Variants in HPS5 observed in about 807,000 individuals in gnomAD.
HPS5 encodes the protein HPS5 biogenesis of lysosomal organelles complex 2 subunit 2.
A neutral mutation model predicts 128.0 loss-of-function variants in HPS5; 83 were observed. The observed-to-expected ratio is 0.65, with a 90% confidence interval of 0.54 to 0.78. The LOEUF is 0.78. HPS5 is among the 30% of genes least tolerant of loss of function. The pLI, the probability that HPS5 is intolerant of heterozygous loss-of-function variation, is 0.00. For synonymous variants in HPS5, 475 were observed against 470.2 expected (o/e 1.01, Z -0.13); for missense variants, 1,281 against 1,326.2 (o/e 0.97, Z 0.53).
At chr11:18,303,010 T>C (rs549310402) in intron 8 of HPS5, among the ~76,000 whole-genome samples, 5 of 152,220 alleles carry the variant, frequency 3.3e-5, no homozygotes, top group Middle Eastern at 3.4e-3. Flanking sequence ...CCTTATCCCT[T>C]CACTGATAAT....
At chr11:18,300,388 AAAAGAAACGT>A (rs1392461108) in intron 9 of HPS5, among the ~76,000 whole-genome samples, 1 of 152,190 alleles carries the variant, frequency 6.6e-6, no homozygotes. Flanking sequence ...GTCAATCTTT[AAAAGAAACGT>A]AACTGGGCAC....
rs559655838 is a variant in HPS5, at chr11:18,315,786, G to A, written c.108+1965C>T. On this transcript the variant is annotated intron_variant, in intron 2 of 22. Transcript: ENST00000349215. The stretch of plus-strand genomic sequence containing the variant: ...CTTTTCATTTATTCTTCTGAAGGTA[G>A]CTCCAAGAGTTTATCTGGGGGATTT... Among the ~76,000 whole-genome samples the A allele has an allele frequency of 2.0e-5, 3 of 152,252 alleles. No individual in the cohort carries two copies. In the South Asian group the frequency reaches 6.2e-4, roughly 32 times the overall value.
intron 7 of HPS5, among the ~76,000 whole-genome samples, 160 bp downstream of exon 7, chr11:18,305,975 G>A (rs1436328613): frequency 2.0e-5 from 3 of 152,018 alleles, no homozygotes; most frequent in East Asian, 3.9e-4. Context: ...CTCAAGATCC[G>A]CCTGCCACAG....
chr11:18,313,332 G>A (rs541345355), intron 2 of HPS5, among the ~76,000 whole-genome samples: 10 of 152,212 alleles, frequency 6.6e-5, no homozygotes, highest in Non-Finnish European at 1.3e-4. Flanking sequence ...CACGCCTGGG[G>A]GCAATTGTTT....
chr11:18,285,534 T>G (rs1859596445), intron 19 of HPS5, 75 bp from the exon 20 acceptor site: 3 of 1,011,466 alleles, frequency 3.0e-6, no homozygotes, highest in Non-Finnish European at 4.6e-6. Flanking sequence ...ACCTAATAGG[T>G]AAGAATAGAG....
intron 16 of HPS5, among the ~76,000 whole-genome samples, chr11:18,289,831 A>G (rs1205573638): frequency 2.6e-5 from 4 of 152,230 alleles, no homozygotes; most frequent in Non-Finnish European, 5.9e-5. Flanking sequence ...TGGCTGCAGA[A>G]AGGGCAATGC....
At chr11:18,316,939 A>G (rs1340846697) in intron 2 of HPS5, among the ~76,000 whole-genome samples, 1 of 152,208 alleles carries the variant, frequency 6.6e-6, no homozygotes, top group Non-Finnish European at 1.5e-5. Flanking sequence ...TAAAACCTGT[A>G]ATCCCAGCAC....
intron 20 of HPS5, 34 bp downstream of exon 20, chr11:18,285,312 C>G (rs770185426): frequency 7.5e-7 from 1 of 1,329,460 alleles, no homozygotes; most frequent in Non-Finnish European, 1.1e-6. Flanking sequence ...ATGTTTCTAA[C>G]CTTAACTTCA....
Position 18,283,849 on chromosome 11 carries a change from C to T in HPS5, c.3004G>A (p.Ala1002Thr). 1 of 1,613,376 alleles carries T rather than the reference C, an allele frequency of 6.2e-7. No individual in the cohort carries two copies. The highest frequency in any genetic ancestry group is 1.3e-5 in the African/African-American group (1 of 75,002). Residue 1002 changes from alanine to threonine, a missense_variant, in exon 21 of 23, where the codon GCC becomes ACC. Coordinates refer to ENST00000349215, the MANE Select transcript of HPS5 (RefSeq NM_181507.2). The stretch of plus-strand genomic sequence containing the variant: ...TTCAGATACACAATATTGGTGAAGG[C>T]CTCTCTTCTTCTCTCCAGCTCCAAA... The part of the protein sequence containing the change: ...LCLELERRRE[A>T]FTNIVYLNDM...
chr11:18,300,884 CCT>C lies in HPS5; in HGVS notation c.927_928del (p.Gly310AsnfsTer16), dbSNP rs748876792. 3.7e-6 allele frequency: 6 copies of C among 1,601,862 alleles called. No individual in the cohort carries two copies. Among genetic ancestry groups the C allele is most frequent in the Non-Finnish European group, 3.4e-6 (4 of 1,169,080 alleles). On this transcript the variant is annotated frameshift_variant, in exon 9 of 23. Coordinates refer to ENST00000349215, the MANE Select transcript of HPS5 (RefSeq NM_181507.2). LOFTEE classifies it high-confidence loss of function. ...ATTCTGAGGAATGAAAATATAAATT[CCT>C]CTTTCTGTCCAAGTCAGCACACAAT...
At chr11:18,306,975 T>C (rs772948733) in intron 6 of HPS5, among the ~76,000 whole-genome samples, 1 of 152,186 alleles carries the variant, frequency 6.6e-6, no homozygotes, top group Non-Finnish European at 1.5e-5. Context: ...TTACTCTCCA[T>C]GATTCCATCA....
chr11:18,321,528 T>C (rs906284513), intron 1 of HPS5, among the ~76,000 whole-genome samples: 38 of 152,334 alleles, frequency 2.5e-4, no homozygotes, highest in African/African-American at 8.4e-4. Flanking sequence ...AGTTCATAAA[T>C]GGTAGAGCTG....
chr11:18,308,930 TG>T lies in HPS5; in HGVS notation c.611+15del. The T allele has an allele frequency of 6.2e-7, 1 of 1,613,626 alleles. No individual in the cohort carries two copies. ...AAAATTCTGCATTTCTGATGACTAA[TG>T]GTTGGTCAATATACCTCTCAGTGTC... On this transcript the variant is annotated intron_variant, in intron 6 of 22. Transcript: ENST00000349215.
intron 8 of HPS5, among the ~76,000 whole-genome samples, chr11:18,302,590 T>A (rs1445170411): frequency 6.6e-6 from 1 of 152,148 alleles, no homozygotes; most frequent in Non-Finnish European, 1.5e-5. Flanking sequence ...ATATTTCTTT[T>A]TCCTTTATGT....
chr11:18,297,425 C>CAA (rs1861209107), intron 11 of HPS5, 134 bp downstream of exon 11: 15 of 772,388 alleles, frequency 1.9e-5, no homozygotes, highest in Non-Finnish European at 3.0e-5. Flanking sequence ...ACTAGCTGAA[C>CAA]AAAAGTTCAC....
At chr11:18,280,990 G>C (rs374454131) in intron 22 of HPS5, among the ~76,000 whole-genome samples, 1 of 151,562 alleles carries the variant, frequency 6.6e-6, no homozygotes, top group Non-Finnish European at 1.5e-5. Context: ...ATACCACTGA[G>C]CTGAATATTT....
At chr11:18,301,121 T>C (rs1224742231) in intron 8 of HPS5, among the ~76,000 whole-genome samples, 4 of 152,040 alleles carry the variant, frequency 2.6e-5, no homozygotes, top group Non-Finnish European at 5.9e-5. Context: ...TGATGCCAAA[T>C]TGGGAAAATT....
In HPS5 at chr11:18,285,152, A is replaced by G. The variant is rs1015261711; in HGVS notation, c.2951+194T>C. Reference sequence around the variant, plus strand: ...TTAGCTAAGGCTATTTAAAAAAAAAAAAAAAAGAAAAAAGCAAGAAATTTA... The same window carrying G: ...TTAGCTAAGGCTATTTAAAAAAAAAGAAAAAAGAAAAAAGCAAGAAATTTA... On this transcript the variant is annotated intron_variant, in intron 20 of 22. Coordinates refer to ENST00000349215, the MANE Select transcript of HPS5 (RefSeq NM_181507.2). 5.9e-5 allele frequency among the ~76,000 whole-genome samples: 9 copies of G among 151,978 alleles called. No homozygotes were observed. In the South Asian group the frequency reaches 6.2e-4, roughly 11 times the overall value.
chr11:18,313,741 C>T (rs1863272128), intron 2 of HPS5, among the ~76,000 whole-genome samples: 1 of 152,064 alleles, frequency 6.6e-6, no homozygotes, highest in African/African-American at 2.4e-5. Flanking sequence ...AAGTGAAACC[C>T]CGTCTCTACT....
Sources: gnomAD v4.1 joint callset for allele counts (sites outside exome capture counted in the v4.1 genomes callset) on GRCh38, gnomAD v4.1.1 for gene constraint, MANE v1.5 for transcripts, NCBI Gene and HGNC (gene_info 2026-07-23, HGNC 2026-07-21) for gene names.